Variants in COL5A2 observed in about 807,000 individuals in gnomAD.
The protein encoded by COL5A2 is collagen alpha-2(V) chain.
In COL5A2, 23 loss-of-function variants were observed where a neutral mutation model predicts 208.2. The ratio of observed to expected loss-of-function variants is 0.11; its 90% CI spans 0.08 to 0.16. The LOEUF is 0.16. Ranked by LOEUF, COL5A2 falls within the 10% of genes least tolerant of loss-of-function variation. The probability of loss-of-function intolerance (pLI) is 1.00; values close to 1 mark genes in which losing one functional copy is unlikely to be tolerated. For synonymous variants in COL5A2, 625 were observed against 628.5 expected, an observed-to-expected ratio of 0.99 and a Z score of 0.08; for missense variants, 1,590 against 1,956.4, an observed-to-expected ratio of 0.81 and a Z score of 3.53.
intron 18 of COL5A2, 95 bp from the exon 19 acceptor site, chr2:189,068,979 C>T: frequency 1.1e-6 from 1 of 878,308 alleles, no homozygotes; most frequent in Non-Finnish European, 1.9e-6. Context: ...CATTTGAAAC[C>T]CAAATACTGA....
At chr2:189,214,522 G>A (rs894119725) in intron 1 of COL5A2, among the ~76,000 whole-genome samples, 11 of 151,964 alleles carry the variant, frequency 7.2e-5, no homozygotes, top group African/African-American at 2.4e-4. Context: ...TCCTCATAGA[G>A]TTTGTTTCTG....
At chr2:189,422,526 A>G in the COL5A2 span, among the ~76,000 whole-genome samples, 1 of 152,224 alleles carries the variant, frequency 6.6e-6, no homozygotes. Context: ...AAAGCATAGT[A>G]TTTAAACTAC....
chr2:189,420,051 G>A, the COL5A2 span, among the ~76,000 whole-genome samples: 3 of 142,760 alleles, frequency 2.1e-5, no homozygotes, highest in South Asian at 7.2e-4. Flanking sequence ...AAGAAAGAGA[G>A]GGAAGGAAGG....
At chr2:189,162,462 T>C (rs576344395) in intron 1 of COL5A2, among the ~76,000 whole-genome samples, 1 of 152,334 alleles carries the variant, frequency 6.6e-6, no homozygotes, top group African/African-American at 2.4e-5. Context: ...AAGCAAATTC[T>C]AATGTTACTG....
intron 1 of COL5A2, among the ~76,000 whole-genome samples, chr2:189,207,520 T>C (rs1183433680): frequency 6.6e-6 from 1 of 152,234 alleles, no homozygotes; most frequent in Non-Finnish European, 1.5e-5. Context: ...TTTCTGGTCT[T>C]AGTGCTAAGG....
chr2:189,416,758 T>G, the COL5A2 span, among the ~76,000 whole-genome samples: 1 of 152,328 alleles, frequency 6.6e-6, no homozygotes, highest in South Asian at 2.1e-4. Flanking sequence ...TCTGTTATAT[T>G]TTTTCCTGAC....
At chr2:189,279,073 C>T in the COL5A2 span, among the ~76,000 whole-genome samples, 2 of 151,712 alleles carry the variant, frequency 1.3e-5, no homozygotes, top group East Asian at 3.9e-4. Flanking sequence ...TACGAATATC[C>T]TTAAATTAAA....
the COL5A2 span, among the ~76,000 whole-genome samples, chr2:189,236,055 C>G: frequency 6.6e-6 from 1 of 151,076 alleles, no homozygotes; most frequent in Non-Finnish European, 1.5e-5. Flanking sequence ...CTCTGGTAGA[C>G]AGCATTTCAC....
At chr2:189,039,129 A>C (rs1685504135) in intron 51 of COL5A2, 143 bp downstream of exon 51, 1 of 1,049,902 alleles carries the variant, frequency 9.5e-7, no homozygotes. Flanking sequence ...TTCCACCATT[A>C]AATTATAAGC....
the COL5A2 span, among the ~76,000 whole-genome samples, chr2:189,359,789 A>G: frequency 1.3e-5 from 2 of 152,062 alleles, no homozygotes; most frequent in Admixed American, 1.3e-4. Context: ...TCATGGTTCA[A>G]TCTTGGTAGG....
At position 189,179,726 on chromosome 2, in the gene COL5A2, A is replaced by G; in HGVS notation, c.-122T>C. ...ACCAGCCCCAGGGCAGCCTCTGCAA[A>G]CCCCCTTTTTCAGCACCAGCTCCAG... is the stretch of plus-strand genomic sequence containing the variant. On this transcript the variant is annotated 5_prime_UTR_variant, in exon 1 of 54. Coordinates refer to ENST00000374866, the MANE Select transcript of COL5A2 (RefSeq NM_000393.5). 1 of 1,523,746 alleles carries G rather than the reference A, an allele frequency of 6.6e-7. No individual in the cohort carries two copies. Among genetic ancestry groups the G allele is most frequent in the Non-Finnish European group, 8.8e-7 (1 of 1,134,476 alleles). The allele number at this position is 1,523,746 out of a possible 1,614,324, so 94.4% of individuals were successfully genotyped here.
chr2:189,342,526 A>G, the COL5A2 span, among the ~76,000 whole-genome samples: 3 of 149,408 alleles, frequency 2.0e-5, no homozygotes, highest in Non-Finnish European at 4.5e-5. Context: ...TATAAACCCA[A>G]AAAAGTACAA....
intron 1 of COL5A2, among the ~76,000 whole-genome samples, chr2:189,204,418 G>C (rs1244103833): frequency 6.6e-6 from 1 of 152,054 alleles, no homozygotes; most frequent in Non-Finnish European, 1.5e-5. Context: ...AAATTTTAAG[G>C]ACTTCTTTCT....
intron 1 of COL5A2, among the ~76,000 whole-genome samples, chr2:189,145,096 A>C (rs1688012382): frequency 6.6e-6 from 1 of 152,156 alleles, no homozygotes; most frequent in South Asian, 2.1e-4. Context: ...TATATGTATG[A>C]AACAGTAGAA....
intron 1 of COL5A2, among the ~76,000 whole-genome samples, chr2:189,218,241 A>T (rs745330346): frequency 2.0e-5 from 3 of 152,128 alleles, no homozygotes; most frequent in African/African-American, 7.2e-5. Context: ...TCAGAATGTG[A>T]CCTTATTTAG....
At chr2:189,078,311 T>G (rs1164010040) in intron 16 of COL5A2, among the ~76,000 whole-genome samples, 1 of 152,060 alleles carries the variant, frequency 6.6e-6, no homozygotes, top group Admixed American at 6.6e-5. Flanking sequence ...ATGTTAACAT[T>G]AAAGCAAAGG....
intron 1 of COL5A2, among the ~76,000 whole-genome samples, chr2:189,192,440 C>A (rs1263986597): frequency 6.6e-6 from 1 of 152,048 alleles, no homozygotes; most frequent in Middle Eastern, 3.2e-3. Flanking sequence ...TGAGGACGAC[C>A]CCATAGGTCC....
At chr2:189,305,728 T>C in the COL5A2 span, among the ~76,000 whole-genome samples, 1 of 151,770 alleles carries the variant, frequency 6.6e-6, no homozygotes, top group Non-Finnish European at 1.5e-5. Flanking sequence ...TATACAGCAC[T>C]ATTCCTTGAA....
the COL5A2 span, among the ~76,000 whole-genome samples, chr2:189,309,881 C>T: frequency 1.4e-4 from 21 of 152,256 alleles, no homozygotes; most frequent in South Asian, 3.3e-3. Flanking sequence ...TTAGAGGTCA[C>T]GCTTAAAACT....
Sources: allele counts gnomAD v4.1 joint callset (sites outside exome capture counted in the v4.1 genomes callset), GRCh38; gene constraint gnomAD v4.1.1; transcripts MANE v1.5; gene names NCBI Gene and HGNC (gene_info 2026-07-23, HGNC 2026-07-21).